The following CD226 variants were observed in gnomAD, a reference collection of about 807,000 sequenced individuals.
The protein encoded by CD226 is CD226 antigen.
In CD226, 24 loss-of-function variants were observed where a neutral mutation model predicts 34.9. The observed-to-expected ratio is 0.69, with a 90% CI of 0.50 to 0.97. The LOEUF (loss-of-function observed/expected upper bound fraction) is 0.97. Ranked by LOEUF, CD226 falls within the 50% of genes least tolerant of loss-of-function variation. The pLI is 0.00. For synonymous variants in CD226, 148 were observed against 147.4 expected (o/e 1.00, Z -0.03); for missense variants, 397 against 412.7 (o/e 0.96, Z 0.33).
chr18:69,895,730 G>A lies in CD226; in HGVS notation c.698C>T (p.Thr233Ile). The change falls in exon 3 of 6, where the codon ACC becomes ATC. Residue 233 changes from threonine (T) to isoleucine (I), a missense_variant. By Grantham distance (89) the Thr-to-Ile change is moderately conservative (BLOSUM62 -1). Coordinates refer to ENST00000582621, the MANE Select transcript of CD226 (RefSeq NM_001303618.2). ...GGCTACAGTCAATCTCATCACGAAG[G>A]TTTCGTTTTCTCCTGCGCTGGCCTG... Reference protein sequence around the residue: ...YLQASAGENETFVMRLTVAEG... With the variant: ...YLQASAGENEIFVMRLTVAEG... 6.2e-7 allele frequency: 1 copy of A among 1,613,886 alleles called. No individual in the cohort carries two copies. The highest frequency in any genetic ancestry group is 1.1e-5 in the South Asian group (1 of 91,074).
chr18:69,944,934 G>A (rs139009629), intron 2 of CD226, among the ~76,000 whole-genome samples: 1,884 of 152,320 alleles, frequency 0.012, 24 homozygotes, highest in South Asian at 0.037. Context: ...TACACCTAAA[G>A]AGAAAGGGAA....
chr18:69,927,847 A>G (rs8089059), intron 2 of CD226, among the ~76,000 whole-genome samples: 2 of 152,166 alleles, frequency 1.3e-5, no homozygotes, highest in African/African-American at 4.8e-5. Flanking sequence ...GTAGACACTT[A>G]GGTTGCTTCT....
chr18:69,944,530 C>T (rs1478990213), intron 2 of CD226: 1 of 152,232 alleles, frequency 6.6e-6, no homozygotes, highest in Non-Finnish European at 1.5e-5. Context: ...TAGCTCCATC[C>T]TCTATCCTGA....
At chr18:69,869,042 T>G (rs1458313473) in intron 4 of CD226, among the ~76,000 whole-genome samples, 3 of 152,212 alleles carry the variant, frequency 2.0e-5, no homozygotes, top group Non-Finnish European at 4.4e-5. Flanking sequence ...AAGAACACTT[T>G]TACGCTGTTG....
chr18:69,865,463 G>A (rs1209878938), intron 5 of CD226, among the ~76,000 whole-genome samples: 1 of 150,518 alleles, frequency 6.6e-6, no homozygotes, highest in African/African-American at 2.4e-5. Flanking sequence ...ACCTGAAAAA[G>A]TTGGATACCT....
intron 2 of CD226, among the ~76,000 whole-genome samples, chr18:69,903,466 T>G (rs774260034): frequency 2.6e-5 from 4 of 152,136 alleles, no homozygotes; most frequent in Non-Finnish European, 5.9e-5. Context: ...AGTTTGGGGA[T>G]GTTACAGGTG....
intron 2 of CD226, among the ~76,000 whole-genome samples, chr18:69,903,599 G>A (rs2145267304): frequency 6.6e-6 from 1 of 152,106 alleles, no homozygotes; most frequent in South Asian, 2.1e-4. Flanking sequence ...CCTGGAATAG[G>A]GTGGCCCCTA....
chr18:69,902,012 T>TA (rs2055192760), intron 2 of CD226, among the ~76,000 whole-genome samples: 1 of 152,164 alleles, frequency 6.6e-6, no homozygotes, highest in South Asian at 2.1e-4. Context: ...CAATCAGTAT[T>TA]AATGTGCCTG....
At position 69,947,787 on chromosome 18, in the gene CD226, T is replaced by C. The variant is rs1308810300; in HGVS notation, c.-381A>G. 1.9e-5 allele frequency: 3 copies of C among 159,394 alleles called. No homozygotes were observed. Among genetic ancestry groups the C allele is most frequent in the African/African-American group, 4.8e-5 (2 of 41,566 alleles). The allele number at this position is 159,394 out of a possible 1,614,324, so 9.9% of individuals were successfully genotyped here. On this transcript the variant is annotated 5_prime_UTR_variant, in exon 1 of 6. Coordinates refer to ENST00000582621, the MANE Select transcript of CD226 (RefSeq NM_001303618.2). ...GCCATGATAGAACTTACATTCTATG[T>C]GGAGGAGGCAGAAACTAAAATAAAG...
upstream of CD226, among the ~76,000 whole-genome samples, chr18:69,960,590 C>T (rs2055925363): frequency 6.6e-6 from 1 of 152,204 alleles, no homozygotes; most frequent in African/African-American, 2.4e-5. Flanking sequence ...GCTGGGATTA[C>T]AGGCATGCAC....
intron 2 of CD226, among the ~76,000 whole-genome samples, chr18:69,943,731 A>C (rs946428813): frequency 6.6e-6 from 1 of 152,194 alleles, no homozygotes; most frequent in Non-Finnish European, 1.5e-5. Context: ...TGGAAAGACT[A>C]CTAGACCTCA....
rs1353218150 is a variant in CD226, at chr18:69,881,050, TA to T, written c.728-7805del. Among the ~76,000 whole-genome samples the T allele has an allele frequency of 2.6e-5, 4 of 152,330 alleles. No individual in the cohort carries two copies. The East Asian group carries it at 7.7e-4, about 29-fold the overall frequency. ...TTCAAATATCTCACAGTAGAAATCA[TA>T]GGTAAATGAAGTGGTGGATATGTTA... On this transcript the variant is annotated intron_variant, in intron 3 of 5. Transcript: ENST00000582621.
Position 69,896,050 on chromosome 18 carries a change from AAAG to A in CD226, c.383-8_383-6del. 4 of 1,601,262 alleles carry A rather than the reference AAAG, an allele frequency of 2.5e-6. No homozygotes were observed. The highest frequency in any genetic ancestry group is 1.3e-5 in the African/African-American group (1 of 74,930). ...GCACAGCTGCCTCAAAACTATCTGA[AAAG>A]AAGAAGCAAATGATTAGATACAGGT... On this transcript the variant is annotated splice_region_variant and splice_polypyrimidine_tract_variant and intron_variant, in intron 2 of 5. Coordinates refer to ENST00000582621, the MANE Select transcript of CD226 (RefSeq NM_001303618.2).
intron 2 of CD226, among the ~76,000 whole-genome samples, chr18:69,923,172 AAGAG>A (rs970217206): frequency 6.6e-6 from 1 of 150,900 alleles, no homozygotes; most frequent in Non-Finnish European, 1.5e-5. Flanking sequence ...GAAAGAGAAA[AAGAG>A]AGAAAGAAAG....
At chr18:69,866,474 C>T (rs115398611) in intron 5 of CD226, among the ~76,000 whole-genome samples, 266 of 152,222 alleles carry the variant, frequency 1.7e-3, no homozygotes, top group African/African-American at 6.0e-3. Flanking sequence ...GCTCATCAAA[C>T]TCCTGCAGCC....
chr18:69,931,618 A>C (rs2145333722), intron 2 of CD226, among the ~76,000 whole-genome samples: 1 of 152,346 alleles, frequency 6.6e-6, no homozygotes, highest in Non-Finnish European at 1.5e-5. Context: ...CAAAGCAAGT[A>C]GGCAGGGAGC....
At chr18:69,921,162 T>A (rs185812142) in intron 2 of CD226, among the ~76,000 whole-genome samples, 6 of 152,182 alleles carry the variant, frequency 3.9e-5, no homozygotes, top group Non-Finnish European at 8.8e-5. Flanking sequence ...CTTCTTACAC[T>A]CATGCAAGTA....
chr18:69,864,984 A>C (rs1983049211), intron 5 of CD226, among the ~76,000 whole-genome samples: 1 of 152,112 alleles, frequency 6.6e-6, no homozygotes, highest in Non-Finnish European at 1.5e-5. Flanking sequence ...AAAAATTTAG[A>C]TTGACCTTAG....
At chr18:69,929,639 C>T (rs1400131615) in intron 2 of CD226, among the ~76,000 whole-genome samples, 1 of 152,108 alleles carries the variant, frequency 6.6e-6, no homozygotes, top group East Asian at 1.9e-4. Flanking sequence ...ATTTGCATCT[C>T]CAACCCAAGT....
Sources: allele counts gnomAD v4.1 joint callset (sites outside exome capture counted in the v4.1 genomes callset), GRCh38; gene constraint gnomAD v4.1.1; transcripts MANE v1.5; gene names NCBI Gene and HGNC (gene_info 2026-07-23, HGNC 2026-07-21).